GNPDA2: variants seen among roughly 807,000 people sequenced by gnomAD.
GNPDA2 encodes the protein glcN6P deaminase 2.
A neutral mutation model predicts 27.0 loss-of-function variants in GNPDA2; 24 were observed. The observed-to-expected ratio is 0.89, with a 90% CI of 0.64 to 1.25. The LOEUF (loss-of-function observed/expected upper bound fraction) is 1.25. Ranked by LOEUF, GNPDA2 falls within the 50% of genes most tolerant of loss-of-function variation. The probability of loss-of-function intolerance (pLI) is 0.00; values close to 1 mark genes in which losing one functional copy is unlikely to be tolerated. For synonymous variants in GNPDA2, 94 were observed against 108.4 expected, an observed-to-expected ratio of 0.87 and a Z score of 0.83; for missense variants, 286 against 335.1, an observed-to-expected ratio of 0.85 and a Z score of 1.14.
chr4:44,705,280 G>A, intron 6 of GNPDA2: 1 of 981,324 alleles, frequency 1.0e-6, no homozygotes, highest in Non-Finnish European at 1.2e-6. Context: ...TTTGAAATGT[G>A]TTTATTTAAG....
intron 4 of GNPDA2, among the ~76,000 whole-genome samples, chr4:44,713,912 TTAAGA>T (rs1192507686): frequency 1.3e-5 from 2 of 152,158 alleles, no homozygotes; most frequent in African/African-American, 4.8e-5. Flanking sequence ...CACTACTGCG[TTAAGA>T]TATTTTAAAA....
intron 1 of GNPDA2, among the ~76,000 whole-genome samples, chr4:44,725,726 G>C (rs896880664): frequency 6.6e-6 from 1 of 151,938 alleles, no homozygotes. Context: ...CCAATCCTCA[G>C]AGATCCAAAC....
At position 44,703,046 on chromosome 4, in the gene GNPDA2, C is replaced by T. The variant is rs527613677; in HGVS notation, c.*35G>A. ...CATCTACTACTTAGTAAAAAGTGCTCTGTTCATTCAAGCTGAATTTTGCTC... is the reference window on the plus strand; with the variant it reads ...CATCTACTACTTAGTAAAAAGTGCTTTGTTCATTCAAGCTGAATTTTGCTC... On this transcript the variant is annotated 3_prime_UTR_variant, in exon 7 of 7. Transcript: ENST00000295448. The T allele has an allele frequency of 6.2e-7, 1 of 1,608,088 alleles. No homozygotes were observed. Among genetic ancestry groups the T allele is most frequent in the East Asian group, 2.2e-5 (1 of 44,700 alleles).
intron 5 of GNPDA2, among the ~76,000 whole-genome samples, chr4:44,709,299 T>C (rs188135309): frequency 1.3e-5 from 2 of 152,270 alleles, no homozygotes; most frequent in East Asian, 3.9e-4. Flanking sequence ...TTGGTGTTTA[T>C]CTATGGCTAA....
intron 4 of GNPDA2, chr4:44,714,313 T>A: frequency 2.0e-6 from 2 of 985,318 alleles, no homozygotes; most frequent in Non-Finnish European, 1.2e-6. Flanking sequence ...TTGTATATCT[T>A]ATTGCTGGGG....
chr4:44,702,924 A>T lies in GNPDA2; in HGVS notation c.*157T>A. On this transcript the variant is annotated 3_prime_UTR_variant, in exon 7 of 7. Coordinates refer to ENST00000295448, the MANE Select transcript of GNPDA2 (RefSeq NM_138335.3). The stretch of plus-strand genomic sequence containing the variant: ...TCTTAAACCCAAGTACAAGATATAA[A>T]TATTCAAAATATGGAATGTTTAACA... 1 of 1,462,356 alleles carries T rather than the reference A, an allele frequency of 6.8e-7. No individual in the cohort carries two copies. The highest frequency in any genetic ancestry group is 3.0e-5 in the Admixed American group (1 of 33,390). 90.6% of individuals were successfully genotyped at this position (1,462,356 alleles called of 1,614,324 possible). A position where few individuals can be genotyped will look rare whatever the true frequency, so the allele number is the denominator to read the frequency against.
chr4:44,707,560 A>G (rs1310769832), intron 6 of GNPDA2, 192 bp downstream of exon 6: 1 of 1,830 alleles, frequency 5.5e-4, no homozygotes, highest in Non-Finnish European at 3.4e-3. Flanking sequence ...TCTCTTCATG[A>G]AAAAAAAAAA....
In GNPDA2 at chr4:44,710,985, C is replaced by T; in HGVS notation, c.562G>A (p.Val188Ile). 6.2e-7 allele frequency: 1 copy of T among 1,611,636 alleles called. No individual in the cohort carries two copies. Among genetic ancestry groups the T allele is most frequent in the Admixed American group, 1.7e-5 (1 of 59,610 alleles). The change falls in exon 5 of 7, where the codon GTT becomes ATT. Residue 188 changes from valine (V) to isoleucine (I), a missense_variant. Transcript: ENST00000295448. ...GCATCCATCACTGTCCCCACACCAACAGTTAGAGCCATAGTTGGCACTTTT... is the reference window on the plus strand; with the variant it reads ...GCATCCATCACTGTCCCCACACCAATAGTTAGAGCCATAGTTGGCACTTTT... ...LSKVPTMALTVGVGTVMDARE... is the reference protein window; with the variant it reads ...LSKVPTMALTIGVGTVMDARE...
At chr4:44,722,314 T>C (rs754240849) in intron 1 of GNPDA2, 72 bp from the exon 2 acceptor site, 7 of 1,175,834 alleles carry the variant, frequency 6.0e-6, no homozygotes, top group Non-Finnish European at 7.1e-6. Flanking sequence ...TTTTAAAAGA[T>C]GTAAATAATA....
rs757410390 is a variant in GNPDA2 at position 44,722,072 on chromosome 4, G to T, written c.124+12C>A. ...AATATCAGAATATAAAATGGAAAAAGTAGTTAATTACCTGTTGGTAAACCC... is the reference window on the plus strand; with the variant it reads ...AATATCAGAATATAAAATGGAAAAATTAGTTAATTACCTGTTGGTAAACCC... On this transcript the variant is annotated intron_variant, in intron 2 of 6. Transcript: ENST00000295448. The T allele has an allele frequency of 1.9e-6, 3 of 1,579,932 alleles. No individual in the cohort carries two copies. Among genetic ancestry groups the T allele is most frequent in the Non-Finnish European group, 2.6e-6 (3 of 1,155,418 alleles).
Position 44,705,006 on chromosome 4 carries a change from A to G in GNPDA2, c.770-1864T>C, listed in dbSNP as rs867756098. ...TTAACTTGTATCTTTCAAAAGGTATATACCGTTATATAGGTATATATTGAA... is the reference window on the plus strand; with the variant it reads ...TTAACTTGTATCTTTCAAAAGGTATGTACCGTTATATAGGTATATATTGAA... On this transcript the variant is annotated intron_variant, in intron 6 of 6. Coordinates refer to ENST00000295448, the MANE Select transcript of GNPDA2 (RefSeq NM_138335.3). 7.1e-6 allele frequency: 7 copies of G among 980,372 alleles called. No homozygotes were observed. The African/African-American group carries it at 1.1e-4, about 15-fold the overall frequency. The allele number at this position is 980,372 out of a possible 1,614,324, so 60.7% of individuals were successfully genotyped here. A position where few individuals can be genotyped will look rare whatever the true frequency, so the allele number is the denominator to read the frequency against.
At chr4:44,710,374 G>T (rs370371025) in intron 5 of GNPDA2, among the ~76,000 whole-genome samples, 12 of 152,076 alleles carry the variant, frequency 7.9e-5, no homozygotes, top group African/African-American at 2.7e-4. Flanking sequence ...TGACTACAAT[G>T]TGTTCTGTAT....
chr4:44,709,331 T>C (rs1419646334), intron 5 of GNPDA2, among the ~76,000 whole-genome samples: 3 of 152,152 alleles, frequency 2.0e-5, no homozygotes. Context: ...AACAAATTGG[T>C]CTTTAAATAG....
At chr4:44,705,942 TATTAA>T (rs1473920991) in intron 6 of GNPDA2, 1 of 152,006 alleles carries the variant, frequency 6.6e-6, no homozygotes, top group Non-Finnish European at 1.5e-5. Context: ...TACTGGCTGT[TATTAA>T]ATATCTTATT....
At chr4:44,714,715 C>T (rs1044306825) in intron 4 of GNPDA2, 10 of 957,954 alleles carry the variant, frequency 1.0e-5, no homozygotes, top group Non-Finnish European at 1.2e-5. Flanking sequence ...ATCTAAAAAT[C>T]CAATGATGAT....
At chr4:44,707,285 A>G (rs1282488669) in intron 6 of GNPDA2, 1 of 159,116 alleles carries the variant, frequency 6.3e-6, no homozygotes, top group Non-Finnish European at 1.4e-5. Flanking sequence ...TAACTTTAAT[A>G]TATGGGAATA....
intron 4 of GNPDA2, among the ~76,000 whole-genome samples, chr4:44,712,539 A>G (rs932861819): frequency 7.9e-5 from 12 of 152,114 alleles, no homozygotes; most frequent in African/African-American, 2.7e-4. Flanking sequence ...TTATAAATAT[A>G]TATTAATTAT....
chr4:44,718,508 T>G, intron 2 of GNPDA2, 98 bp from the exon 3 acceptor site: 1 of 385,542 alleles, frequency 2.6e-6, no homozygotes, highest in Non-Finnish European at 4.8e-6. Flanking sequence ...TTAATAATAT[T>G]CTGTAGTTCT....
chr4:44,723,090 GA>G (rs1382902461), intron 1 of GNPDA2, among the ~76,000 whole-genome samples: 1 of 152,050 alleles, frequency 6.6e-6, no homozygotes, highest in Non-Finnish European at 1.5e-5. Flanking sequence ...CTAAAATTAA[GA>G]AAAATTATTA....
Sources: allele counts gnomAD v4.1 joint callset (sites outside exome capture counted in the v4.1 genomes callset), GRCh38; gene constraint gnomAD v4.1.1; transcripts MANE v1.5; gene names NCBI Gene and HGNC (gene_info 2026-07-23, HGNC 2026-07-21).